SNTG1: variants seen among roughly 807,000 people sequenced by gnomAD.
SNTG1 encodes the protein gamma-1-syntrophin.
Under a neutral mutation model 74.7 loss-of-function variants are expected in SNTG1, and 39 were observed. The observed-to-expected ratio is 0.52, with a 90% CI of 0.40 to 0.68. The LOEUF is 0.68. Ranked by LOEUF, SNTG1 falls within the 30% of genes least tolerant of loss-of-function variation. The pLI is 0.00. For missense variants in SNTG1, 685 were observed against 609.5 expected (o/e 1.12, Z -1.30); for synonymous variants, 254 against 217.1 (o/e 1.17, Z -1.49).
chr8:50,329,674 C>T (rs1311159875), intron 2 of SNTG1, among the ~76,000 whole-genome samples: 1 of 152,102 alleles, frequency 6.6e-6, no homozygotes, highest in Non-Finnish European at 1.5e-5. Context: ...CCTAGACTTC[C>T]ATGCCTGCAA....
rs2094293341 is a variant in SNTG1, at chr8:50,534,468, AG to A, written c.550-2209del. On this transcript the variant is annotated intron_variant, in intron 10 of 18. Coordinates refer to ENST00000642720, the MANE Select transcript of SNTG1 (RefSeq NM_018967.5). ...TTCTTCATGTTCCCTCATGAAGAAA[AG>A]TTGGGAAGTAATAATAAAATACTTC... is the stretch of plus-strand genomic sequence containing the variant. Among the ~76,000 whole-genome samples the A allele has an allele frequency of 2.0e-5, 3 of 152,100 alleles. No homozygotes were observed. In the South Asian group the frequency reaches 6.2e-4, roughly 32 times the overall value.
chr8:50,674,830 G>A (rs1353430878), intron 15 of SNTG1, among the ~76,000 whole-genome samples: 2 of 151,720 alleles, frequency 1.3e-5, no homozygotes, highest in Non-Finnish European at 2.9e-5. Flanking sequence ...CTAAACACTG[G>A]TTTAGCTATG....
At chr8:50,202,689 A>G (rs1020610897) in intron 2 of SNTG1, among the ~76,000 whole-genome samples, 3 of 152,090 alleles carry the variant, frequency 2.0e-5, no homozygotes, top group African/African-American at 7.2e-5. Context: ...ATAAGTTTTC[A>G]TTTAATTTGT....
At chr8:50,390,924 T>A (rs1211373475) in intron 2 of SNTG1, among the ~76,000 whole-genome samples, 2 of 152,220 alleles carry the variant, frequency 1.3e-5, no homozygotes, top group Non-Finnish European at 2.9e-5. Flanking sequence ...TGATTTTGTA[T>A]CCTGAAACTT....
At chr8:50,703,298 T>C (rs2095432453) in intron 15 of SNTG1, among the ~76,000 whole-genome samples, 1 of 152,064 alleles carries the variant, frequency 6.6e-6, no homozygotes, top group Non-Finnish European at 1.5e-5. Context: ...CTTTTAAATT[T>C]ACAAATTACT....
intron 1 of SNTG1, among the ~76,000 whole-genome samples, chr8:50,058,160 G>A (rs1251028601): frequency 6.6e-6 from 1 of 152,102 alleles, no homozygotes; most frequent in Non-Finnish European, 1.5e-5. Context: ...TGCAGACTCT[G>A]AGAGGTTGGG....
At chr8:50,031,984 G>T (rs1311836036) in intron 1 of SNTG1, among the ~76,000 whole-genome samples, 1 of 152,036 alleles carries the variant, frequency 6.6e-6, no homozygotes, top group Admixed American at 6.6e-5. Context: ...CAGTTGTGAG[G>T]TTAAAGTTAT....
At chr8:50,225,955 C>G (rs1253100146) in intron 2 of SNTG1, among the ~76,000 whole-genome samples, 6 of 152,120 alleles carry the variant, frequency 3.9e-5, no homozygotes, top group Non-Finnish European at 2.9e-5. Context: ...AAAATTTACA[C>G]TATTGTTAAT....
At chr8:50,168,564 T>C (rs1373422701) in intron 1 of SNTG1, among the ~76,000 whole-genome samples, 1 of 152,118 alleles carries the variant, frequency 6.6e-6, no homozygotes, top group Non-Finnish European at 1.5e-5. Context: ...TATATGCATG[T>C]GTATATATAT....
chr8:50,227,763 AC>A (rs977288749), intron 2 of SNTG1, among the ~76,000 whole-genome samples: 58 of 152,000 alleles, frequency 3.8e-4, no homozygotes, highest in African/African-American at 1.3e-3. Flanking sequence ...AAAAAAGGAA[AC>A]TATGAGAGCC....
intron 8 of SNTG1, among the ~76,000 whole-genome samples, chr8:50,470,907 C>G (rs1438998415): frequency 6.6e-6 from 1 of 152,122 alleles, no homozygotes; most frequent in African/African-American, 2.4e-5. Context: ...GCTCATTGGT[C>G]CATTTTACAG....
chr8:50,276,419 TTAAC>T (rs2088116246), intron 2 of SNTG1, among the ~76,000 whole-genome samples: 2 of 147,360 alleles, frequency 1.4e-5, no homozygotes, highest in South Asian at 2.1e-4. Flanking sequence ...AAATCATATA[TTAAC>T]TAACTAAACA....
chr8:50,473,870 TC>T (rs2093673475), intron 8 of SNTG1, among the ~76,000 whole-genome samples: 1 of 151,976 alleles, frequency 6.6e-6, no homozygotes, highest in Non-Finnish European at 1.5e-5. Context: ...GTAATAAAAC[TC>T]ATAGAAGCAG....
At chr8:50,619,772 A>G (rs2094909585) in intron 13 of SNTG1, among the ~76,000 whole-genome samples, 1 of 151,254 alleles carries the variant, frequency 6.6e-6, no homozygotes, top group Admixed American at 6.6e-5. Context: ...GGTTCCCAGG[A>G]ATCAGAGTCA....
intron 2 of SNTG1, among the ~76,000 whole-genome samples, chr8:50,224,372 A>T (rs1391809349): frequency 6.6e-6 from 1 of 152,190 alleles, no homozygotes; most frequent in East Asian, 1.9e-4. Flanking sequence ...GATCCCACAG[A>T]TCACAAACAA....
chr8:50,463,526 A>C (rs908475003), intron 8 of SNTG1, among the ~76,000 whole-genome samples: 1 of 152,202 alleles, frequency 6.6e-6, no homozygotes, highest in Non-Finnish European at 1.5e-5. Flanking sequence ...CGAGCAGGTG[A>C]ATTGTCAGTG....
intron 2 of SNTG1, among the ~76,000 whole-genome samples, chr8:50,310,735 C>T (rs1176576773): frequency 6.6e-6 from 1 of 152,020 alleles, no homozygotes; most frequent in African/African-American, 2.4e-5. Context: ...TGTAAGTATC[C>T]TTTGAAAGTG....
intron 2 of SNTG1, among the ~76,000 whole-genome samples, chr8:50,328,672 C>T (rs749419090): frequency 2.6e-5 from 4 of 152,134 alleles, no homozygotes; most frequent in Non-Finnish European, 5.9e-5. Flanking sequence ...GTGGGGATTA[C>T]AGGTCCTTCC....
chr8:50,350,082 T>C (rs1350225843), intron 2 of SNTG1, among the ~76,000 whole-genome samples: 4 of 152,130 alleles, frequency 2.6e-5, no homozygotes, highest in South Asian at 4.1e-4. Context: ...AGAGGGTGCA[T>C]TGGGTCCCCC....
Sources: gnomAD v4.1 joint callset for allele counts (sites outside exome capture counted in the v4.1 genomes callset) on GRCh38, gnomAD v4.1.1 for gene constraint, MANE v1.5 for transcripts, NCBI Gene and HGNC (gene_info 2026-07-23, HGNC 2026-07-21) for gene names.